DPH6: variants seen among roughly 807,000 people sequenced by gnomAD.
DPH6 encodes the protein diphthamine biosynthesis 6.
Under a neutral mutation model 38.2 loss-of-function variants are expected in DPH6, and 33 were observed. That is an observed-to-expected ratio of 0.86 (90% CI 0.65 to 1.15). DPH6 has a LOEUF of 1.15. Among genes scored for constraint, DPH6 ranks in the 50% most tolerant of loss-of-function variants. The probability of loss-of-function intolerance (pLI) is 0.00; values close to 1 mark genes in which losing one functional copy is unlikely to be tolerated. For synonymous variants in DPH6, 108 were observed against 103.0 expected (o/e 1.05, Z -0.30); for missense variants, 325 against 320.0 (o/e 1.02, Z -0.12).
chr15:35,145,184 T>C, the DPH6 span, among the ~76,000 whole-genome samples: 3 of 152,248 alleles, frequency 2.0e-5, no homozygotes, highest in Admixed American at 1.3e-4. Flanking sequence ...AAGTCATTTA[T>C]AATCCCACCA....
chr15:35,297,328 C>T (rs1433096668), intron 3 of DPH6, among the ~76,000 whole-genome samples: 5 of 149,082 alleles, frequency 3.4e-5, no homozygotes, highest in Non-Finnish European at 7.4e-5. Flanking sequence ...TTTTCCCTCC[C>T]TCAGTTTTTT....
intron 3 of DPH6, among the ~76,000 whole-genome samples, chr15:35,277,519 T>C (rs1232992688): frequency 6.6e-6 from 1 of 152,160 alleles, no homozygotes; most frequent in African/African-American, 2.4e-5. Flanking sequence ...ATTATAAAGA[T>C]ACCTGAAAAT....
chr15:35,416,007 T>C (rs572055300), intron 5 of DPH6, among the ~76,000 whole-genome samples: 1 of 152,128 alleles, frequency 6.6e-6, no homozygotes, highest in East Asian at 1.9e-4. Flanking sequence ...TGAGGGTGTA[T>C]ATGCTGCTAT....
At chr15:35,351,672 T>C (rs2052512115) in intron 3 of DPH6, among the ~76,000 whole-genome samples, 1 of 152,098 alleles carries the variant, frequency 6.6e-6, no homozygotes, top group African/African-American at 2.4e-5. Flanking sequence ...AGTTACTCTA[T>C]ACTTTACTCC....
At chr15:35,281,332 T>C (rs1307394431) in intron 3 of DPH6, among the ~76,000 whole-genome samples, 1 of 152,226 alleles carries the variant, frequency 6.6e-6, no homozygotes, top group Non-Finnish European at 1.5e-5. Flanking sequence ...AATTATGGTA[T>C]ATCACCCAAA....
At chr15:35,146,771 CTA>C in the DPH6 span, among the ~76,000 whole-genome samples, 1 of 152,112 alleles carries the variant, frequency 6.6e-6, no homozygotes, top group Admixed American at 6.5e-5. Context: ...TATGGAACCT[CTA>C]AAAGTCTTTA....
At chr15:35,481,145 A>G (rs2054321681) in intron 3 of DPH6, among the ~76,000 whole-genome samples, 1 of 152,168 alleles carries the variant, frequency 6.6e-6, no homozygotes, top group South Asian at 2.1e-4. Flanking sequence ...CTGAGGAACT[A>G]ATTTTTAAAT....
chr15:35,361,523 T>G (rs536815084), intron 3 of DPH6, among the ~76,000 whole-genome samples: 1 of 147,854 alleles, frequency 6.8e-6, no homozygotes, highest in Non-Finnish European at 1.5e-5. Context: ...TTTTTTTTTT[T>G]CCCTCTCTTA....
chr15:35,320,901 C>T (rs1216080012), intron 3 of DPH6, among the ~76,000 whole-genome samples: 1 of 152,164 alleles, frequency 6.6e-6, no homozygotes, highest in Non-Finnish European at 1.5e-5. Context: ...TGAACCCTGA[C>T]CTTCTCTCTG....
At chr15:35,283,773 C>CAT (rs1182700109) in intron 3 of DPH6, among the ~76,000 whole-genome samples, 1 of 148,674 alleles carries the variant, frequency 6.7e-6, no homozygotes, top group Non-Finnish European at 1.5e-5. Context: ...CACACACACA[C>CAT]ACACACACAC....
intron 3 of DPH6, among the ~76,000 whole-genome samples, chr15:35,342,930 A>G (rs1271999675): frequency 6.6e-6 from 1 of 152,172 alleles, no homozygotes; most frequent in Non-Finnish European, 1.5e-5. Flanking sequence ...CGATCAGTTC[A>G]AAGCTATTCT....
the DPH6 span, among the ~76,000 whole-genome samples, chr15:35,155,011 G>A: frequency 2.6e-5 from 4 of 152,286 alleles, no homozygotes; most frequent in East Asian, 3.9e-4. Context: ...AAAATGTAAC[G>A]TTTTACAACT....
intron 8 of DPH6, among the ~76,000 whole-genome samples, 188 bp downstream of exon 8, chr15:35,373,331 CAT>C (rs1834811300): frequency 6.6e-6 from 1 of 151,646 alleles, no homozygotes; most frequent in Admixed American, 6.6e-5. Context: ...TCTTTTGTAT[CAT>C]ATATAACTCA....
chr15:35,527,712 G>A (rs867586540), intron 3 of DPH6, among the ~76,000 whole-genome samples: 18 of 152,244 alleles, frequency 1.2e-4, no homozygotes, highest in East Asian at 7.7e-4. Context: ...GGCATGGACC[G>A]TATGGGGAAG....
intron 3 of DPH6, among the ~76,000 whole-genome samples, chr15:35,239,113 C>T (rs1457184946): frequency 2.1e-5 from 3 of 144,086 alleles, no homozygotes; most frequent in South Asian, 2.4e-4. Context: ...ATCAATCCCC[C>T]GTCCTCCTGC....
At chr15:35,529,560 C>T (rs1213114578) in intron 3 of DPH6, among the ~76,000 whole-genome samples, 1 of 152,064 alleles carries the variant, frequency 6.6e-6, no homozygotes, top group Admixed American at 6.6e-5. Flanking sequence ...ATTTTTTCAC[C>T]CTCTGAACTC....
At position 35,292,058 on chromosome 15, in the gene DPH6, T is replaced by G. The variant is rs2051983881; in HGVS notation, n.201-71476A>C. On this transcript the variant is annotated intron_variant and non_coding_transcript_variant, in intron 3 of 3. Coordinates refer to the DPH6 transcript ENST00000560386. ...CTTTTTCCTCCTTTCTCAGGAGAGC[T>G]TTCAAAACTGAGCCCTAAAAGGAGA... Among the ~76,000 whole-genome samples, 4 of 152,248 alleles carry G rather than the reference T, an allele frequency of 2.6e-5. No individual in the cohort carries two copies. In the South Asian group the frequency reaches 8.3e-4, roughly 32 times the overall value.
At chr15:35,368,978 GA>G (rs2052686434), downstream of DPH6, among the ~76,000 whole-genome samples, 2 of 151,626 alleles carry the variant, frequency 1.3e-5, no homozygotes, top group South Asian at 2.1e-4. Context: ...AGAAAATATT[GA>G]AAAAGAAAAG....
intron 3 of DPH6, among the ~76,000 whole-genome samples, chr15:35,291,745 T>C (rs1293425654): frequency 5.3e-5 from 8 of 152,156 alleles, no homozygotes; most frequent in African/African-American, 1.7e-4. Flanking sequence ...TGTCTGCCTA[T>C]GAATGACTAG....
Sources: gnomAD v4.1 joint callset for allele counts (sites outside exome capture counted in the v4.1 genomes callset) on GRCh38, gnomAD v4.1.1 for gene constraint, MANE v1.5 for transcripts, NCBI Gene and HGNC (gene_info 2026-07-23, HGNC 2026-07-21) for gene names.